The following TMEM108 variants were observed in gnomAD, a reference collection of about 807,000 sequenced individuals.
The protein encoded by TMEM108 is transmembrane protein 108, also known as cancer/testis antigen 124.
Under a neutral mutation model 35.1 loss-of-function variants are expected in TMEM108, and 12 were observed. That is an observed-to-expected ratio of 0.34 (90% CI 0.22 to 0.55). The LOEUF (loss-of-function observed/expected upper bound fraction) is 0.55, where lower values mean the gene tolerates loss of function less well. Among genes scored for constraint, TMEM108 ranks in the 20% least tolerant of loss-of-function variants. The pLI, the probability that TMEM108 is intolerant of heterozygous loss-of-function variation, is 0.89. For missense variants in TMEM108, 680 were observed against 753.3 expected, an observed-to-expected ratio of 0.90 and a Z score of 1.14; for synonymous variants, 287 against 308.6, an observed-to-expected ratio of 0.93 and a Z score of 0.73.
rs1945229283 is a variant in TMEM108, at chr3:133,176,395, A to G, written c.-46-52871A>G. 2.0e-5 allele frequency among the ~76,000 whole-genome samples: 3 copies of G among 152,218 alleles called. No homozygotes were observed. The South Asian group carries it at 6.2e-4, about 31-fold the overall frequency. Reference sequence around the variant, plus strand: ...TTTTTTTCAGCACCACATCGCTCTTATTCCAAAATTGACCACATAGTTGGA... The same window carrying G: ...TTTTTTTCAGCACCACATCGCTCTTGTTCCAAAATTGACCACATAGTTGGA... On this transcript the variant is annotated intron_variant, in intron 2 of 5. Coordinates refer to ENST00000321871, the MANE Select transcript of TMEM108 (RefSeq NM_023943.4).
chr3:133,176,114 A>G lies in TMEM108; in HGVS notation c.-46-53152A>G, dbSNP rs565871718. On this transcript the variant is annotated intron_variant, in intron 2 of 5. Transcript: ENST00000321871. The stretch of plus-strand genomic sequence containing the variant: ...TGGTAAAGGGATCAATTCAACAAGA[A>G]GAGCTAACTATCCTAAATACATATG... Among the ~76,000 whole-genome samples the G allele has an allele frequency of 7.9e-5, 12 of 152,284 alleles. No individual in the cohort carries two copies. The East Asian group carries it at 2.3e-3, about 29-fold the overall frequency.
At chr3:133,191,427 G>T (rs191373877) in intron 2 of TMEM108, among the ~76,000 whole-genome samples, 49 of 152,264 alleles carry the variant, frequency 3.2e-4, no homozygotes, top group African/African-American at 1.1e-3. Flanking sequence ...ATATCTGGCA[G>T]GGTACGCTGG....
intron 2 of TMEM108, among the ~76,000 whole-genome samples, chr3:133,075,239 C>T (rs1043422101): frequency 7.2e-5 from 11 of 152,158 alleles, no homozygotes; most frequent in African/African-American, 2.7e-4. Context: ...GGGATATATA[C>T]AAGGGAGTCA....
At chr3:133,372,219 A>C (rs2072697183) in intron 3 of TMEM108, among the ~76,000 whole-genome samples, 1 of 152,190 alleles carries the variant, frequency 6.6e-6, no homozygotes, top group South Asian at 2.1e-4. Flanking sequence ...TCCTCTACTC[A>C]TGTAGGACAT....
At chr3:133,073,510 C>CTCTCTATATATATATATATATATA in intron 2 of TMEM108, among the ~76,000 whole-genome samples, 1 of 43,920 alleles carries the variant, frequency 2.3e-5, no homozygotes, top group Non-Finnish European at 3.9e-5. Context: ...CTCTCTCTCT[C>CTCTCTATATATATATATATATATA]TATATATATA....
intron 2 of TMEM108, among the ~76,000 whole-genome samples, chr3:133,102,681 T>A (rs1446916283): frequency 6.6e-6 from 1 of 152,200 alleles, no homozygotes; most frequent in Non-Finnish European, 1.5e-5. Context: ...TGGTATAAGC[T>A]GAAAATATAC....
chr3:133,082,806 T>G (rs1343429629), intron 2 of TMEM108, among the ~76,000 whole-genome samples: 1 of 151,972 alleles, frequency 6.6e-6, no homozygotes, highest in Non-Finnish European at 1.5e-5. Context: ...CAGGCACCAC[T>G]GTGCTTGGCT....
chr3:133,072,752 A>G (rs1262933848), intron 2 of TMEM108, among the ~76,000 whole-genome samples: 4 of 152,146 alleles, frequency 2.6e-5, no homozygotes, highest in Admixed American at 6.6e-5. Context: ...TATCACCACT[A>G]TATTTCAGAA....
At chr3:133,159,580 C>T (rs6802278) in intron 2 of TMEM108, among the ~76,000 whole-genome samples, 29,238 of 152,094 alleles carry the variant, frequency 0.19, 2,973 homozygotes, top group Admixed American at 0.31. Flanking sequence ...ATGATGATAA[C>T]CCATACGTAC....
chr3:133,128,689 A>T (rs981547313), intron 2 of TMEM108, among the ~76,000 whole-genome samples: 6 of 152,164 alleles, frequency 3.9e-5, no homozygotes, highest in Non-Finnish European at 7.3e-5. Context: ...GTCATCACAT[A>T]GTTTGATCAT....
chr3:133,358,419 C>T (rs1002815365), intron 3 of TMEM108, among the ~76,000 whole-genome samples: 1 of 152,124 alleles, frequency 6.6e-6, no homozygotes, highest in African/African-American at 2.4e-5. Context: ...ATCCACCCAC[C>T]TTAGCCTCCC....
chr3:133,324,919 T>C (rs576589729), intron 3 of TMEM108, among the ~76,000 whole-genome samples: 1 of 152,192 alleles, frequency 6.6e-6, no homozygotes, highest in South Asian at 2.1e-4. Flanking sequence ...GAGGTTACAG[T>C]GAGCTGAGAT....
At chr3:133,250,314 G>A (rs1014751615) in intron 3 of TMEM108, among the ~76,000 whole-genome samples, 2 of 152,102 alleles carry the variant, frequency 1.3e-5, no homozygotes, top group African/African-American at 2.4e-5. Context: ...AAGACAACAA[G>A]GATGAAGACC....
chr3:133,353,265 C>T (rs539456461), intron 3 of TMEM108, among the ~76,000 whole-genome samples: 1 of 152,226 alleles, frequency 6.6e-6, no homozygotes, highest in African/African-American at 2.4e-5. Context: ...TAATGCCACC[C>T]TTATCCACAC....
At position 133,318,259 on chromosome 3, in the gene TMEM108, G is replaced by A. The variant is rs113153375; in HGVS notation, c.41-61493G>A. On this transcript the variant is annotated intron_variant, in intron 3 of 5. Transcript: ENST00000321871. The stretch of plus-strand genomic sequence containing the variant: ...GGGAGACTTCTGCCTTGGAGTGAAC[G>A]CCCCTGGAAGACACTACACTGGTAC... Among the ~76,000 whole-genome samples, 844 of 152,302 alleles carry A rather than the reference G, an allele frequency of 5.5e-3. 5 individuals are homozygous for A. The highest frequency in any genetic ancestry group is 0.01 in the Middle Eastern group (3 of 294).
At chr3:133,088,647 T>C (rs1943911828) in intron 2 of TMEM108, among the ~76,000 whole-genome samples, 1 of 152,192 alleles carries the variant, frequency 6.6e-6, no homozygotes, top group South Asian at 2.1e-4. Flanking sequence ...ATTTGAATAC[T>C]TGACTTGGAA....
chr3:133,044,569 G>C (rs1320328594), intron 1 of TMEM108, among the ~76,000 whole-genome samples: 1 of 152,202 alleles, frequency 6.6e-6, no homozygotes, highest in African/African-American at 2.4e-5. Context: ...TGTGGGAGCT[G>C]GTTAGAAATG....
chr3:133,059,097 C>T (rs562952792), intron 2 of TMEM108, among the ~76,000 whole-genome samples: 1 of 152,286 alleles, frequency 6.6e-6, no homozygotes, highest in African/African-American at 2.4e-5. Context: ...GAAAAGACAG[C>T]GGACTGGCTT....
chr3:133,316,103 G>C, intron 3 of TMEM108, among the ~76,000 whole-genome samples: 1 of 152,224 alleles, frequency 6.6e-6, no homozygotes, highest in South Asian at 2.1e-4. Flanking sequence ...TGGAGTCACT[G>C]TTTCATTAGG....
Sources: allele counts gnomAD v4.1 joint callset (sites outside exome capture counted in the v4.1 genomes callset), GRCh38; gene constraint gnomAD v4.1.1; transcripts MANE v1.5; gene names NCBI Gene and HGNC (gene_info 2026-07-23, HGNC 2026-07-21).